Variants in OGDH observed in about 807,000 individuals in gnomAD.
OGDH encodes the protein 2-oxoglutarate dehydrogenase complex component E1.
OGDH carries 38 observed loss-of-function variants against 116.6 expected under a neutral mutation model. That is an observed-to-expected ratio of 0.33 (90% CI 0.25 to 0.43). The LOEUF is 0.43. Among genes scored for constraint, OGDH ranks in the 20% least tolerant of loss-of-function variants. The pLI is 1.00. For synonymous variants in OGDH, 488 were observed against 533.3 expected (o/e 0.92, Z 1.17); for missense variants, 825 against 1,357.2 (o/e 0.61, Z 6.16).
Position 44,645,571 on chromosome 7 carries a change from C to A in OGDH, c.414+53C>A. 2.6e-6 allele frequency: 4 copies of A among 1,549,008 alleles called. No individual in the cohort carries two copies. The South Asian group carries it at 4.6e-5, about 18-fold the overall frequency. On this transcript the variant is annotated intron_variant, in intron 3 of 22. Transcript: ENST00000222673. ...GGAAAGGGTGCAGTGTTCCTTAGGT[C>A]ATGCCTCATGGGCCCTATTGGCCTT...
chr7:44,642,815 G>A (rs59247548), intron 2 of OGDH, among the ~76,000 whole-genome samples: 5,517 of 151,758 alleles, frequency 0.036, 146 homozygotes, highest in Middle Eastern at 0.1. Context: ...CCAGCTACTC[G>A]GGAGGCTGAG....
chr7:44,674,644 C>A, intron 7 of OGDH, 87 bp downstream of exon 7: 1 of 1,444,410 alleles, frequency 6.9e-7, no homozygotes, highest in Admixed American at 1.9e-5. Flanking sequence ...GAGAGAGCAG[C>A]TGTTTCCTCC....
Position 44,700,137 on chromosome 7 carries a change from G to A in OGDH, c.2431-4G>A. On this transcript the variant is annotated splice_region_variant and splice_polypyrimidine_tract_variant and intron_variant, in intron 18 of 22. Transcript: ENST00000222673. ...GCCTCTGGCCATTTCCTTCCCTGCT[G>A]CAGGACCTTAAAGAAGCCAACTTCG... The A allele has an allele frequency of 6.2e-7, 1 of 1,614,026 alleles. No homozygotes were observed. Among genetic ancestry groups the A allele is most frequent in the Non-Finnish European group, 8.5e-7 (1 of 1,179,910 alleles).
intron 20 of OGDH, among the ~76,000 whole-genome samples, chr7:44,706,446 C>T (rs566110149): frequency 2.3e-4 from 35 of 151,282 alleles, no homozygotes; most frequent in Non-Finnish European, 4.3e-4. Context: ...CTCGGCCCCC[C>T]GAGTAGCTGA....
Position 44,629,580 on chromosome 7 carries a change from CTTTTTT to C in OGDH, c.222+5028_222+5033del, listed in dbSNP as rs71701992. The stretch of plus-strand genomic sequence containing the variant: ...TTTCTTTCCTTTTTCTTTTTCTTTT[CTTTTTT>C]TTTTTTTTTTTTGAGACGAGTCTCG... On this transcript the variant is annotated intron_variant, in intron 2 of 22. Coordinates refer to ENST00000222673, the MANE Select transcript of OGDH (RefSeq NM_002541.4). Among the ~76,000 whole-genome samples, 5 of 60,040 alleles carry C rather than the reference CTTTTTT, an allele frequency of 8.3e-5. No homozygotes were observed. In the South Asian group the frequency reaches 1.7e-3, roughly 20 times the overall value. 39.4% of individuals were successfully genotyped at this position (60,040 alleles called of 152,430 possible).
intron 1 of OGDH, among the ~76,000 whole-genome samples, chr7:44,620,019 TTTTTG>T (rs577373139): frequency 3.9e-5 from 6 of 152,206 alleles, no homozygotes; most frequent in South Asian, 2.1e-4. Flanking sequence ...GCACAAAAAT[TTTTTG>T]TTTTGTTTTG....
chr7:44,677,448 G>A (rs1198108858), intron 9 of OGDH, among the ~76,000 whole-genome samples: 2 of 152,124 alleles, frequency 1.3e-5, no homozygotes, highest in Non-Finnish European at 2.9e-5. Context: ...TTAGGGAGGT[G>A]GGAAGGGAAG....
chr7:44,708,236 G>A lies in OGDH; in HGVS notation c.*237G>A. 5 of 507,112 alleles carry A rather than the reference G, an allele frequency of 9.9e-6. No individual in the cohort carries two copies. The South Asian group carries it at 1.0e-4, about 10-fold the overall frequency. 31.4% of individuals were successfully genotyped at this position (507,112 alleles called of 1,614,324 possible). A position where few individuals can be genotyped will look rare whatever the true frequency, so the allele number is the denominator to read the frequency against. On this transcript the variant is annotated 3_prime_UTR_variant, in exon 23 of 23. Coordinates refer to ENST00000222673, the MANE Select transcript of OGDH (RefSeq NM_002541.4). ...TTCTGAGCAGTTTTCCAGGAGGCCGGGGGGAGCAGGAGGAGGAAAGGTAGC... is the reference window on the plus strand; with the variant it reads ...TTCTGAGCAGTTTTCCAGGAGGCCGAGGGGAGCAGGAGGAGGAAAGGTAGC...
Position 44,701,740 on chromosome 7 carries a change from T to C in OGDH, c.2632+125T>C, listed in dbSNP as rs546391832. The C allele has an allele frequency of 5.1e-4, 484 of 951,890 alleles. 7 individuals are homozygous for C. The South Asian group carries it at 6.5e-3, about 13-fold the overall frequency. The allele number at this position is 951,890 out of a possible 1,614,324, so 59.0% of individuals were successfully genotyped here. ...TCACTGGCTCTTGCCAGATTTTTGG[T>C]TGTAAAGACCCGTGATACATGGCTG... On this transcript the variant is annotated intron_variant, in intron 20 of 22. Transcript: ENST00000222673.
chr7:44,674,632 C>T lies in OGDH; in HGVS notation c.935+75C>T, dbSNP rs938066875. 2.6e-6 allele frequency: 4 copies of T among 1,527,006 alleles called. No homozygotes were observed. In the African/African-American group the frequency reaches 5.5e-5, roughly 21 times the overall value. 94.6% of individuals were successfully genotyped at this position (1,527,006 alleles called of 1,614,324 possible). A position where few individuals can be genotyped will look rare whatever the true frequency, so the allele number is the denominator to read the frequency against. ...GTGTAGGAGGCACCAGGTAAAGGCACTGAGAGAGCAGCTGTTTCCTCCTTG... is the reference window on the plus strand; with the variant it reads ...GTGTAGGAGGCACCAGGTAAAGGCATTGAGAGAGCAGCTGTTTCCTCCTTG... On this transcript the variant is annotated intron_variant, in intron 7 of 22. Coordinates refer to ENST00000222673, the MANE Select transcript of OGDH (RefSeq NM_002541.4).
rs140785324 is a variant in OGDH, at chr7:44,708,083, C to T, written c.*84C>T. On this transcript the variant is annotated 3_prime_UTR_variant, in exon 23 of 23. Transcript: ENST00000222673. ...TCTCAACTAAAGAATAGTGCCTCAG[C>T]GCTGCCCACACCACCGCCCTCCTCG... 5.6e-4 allele frequency: 853 copies of T among 1,524,756 alleles called. 6 individuals carry two copies. The East Asian group carries it at 0.015, about 27-fold the overall frequency. The allele number at this position is 1,524,756 out of a possible 1,614,324, so 94.5% of individuals were successfully genotyped here. A position where few individuals can be genotyped will look rare whatever the true frequency, so the allele number is the denominator to read the frequency against.
intron 1 of OGDH, among the ~76,000 whole-genome samples, chr7:44,614,192 TC>T (rs1311182201): frequency 6.6e-6 from 1 of 151,958 alleles, no homozygotes; most frequent in Non-Finnish European, 1.5e-5. Flanking sequence ...AGGCAAGCTA[TC>T]CTTTCACCTC....
At chr7:44,691,092 A>G (rs1788345066) in intron 10 of OGDH, among the ~76,000 whole-genome samples, 1 of 152,214 alleles carries the variant, frequency 6.6e-6, no homozygotes, top group African/African-American at 2.4e-5. Context: ...CTCATGAGGT[A>G]GTGTGGCATC....
intron 19 of OGDH, among the ~76,000 whole-genome samples, 187 bp from the exon 20 acceptor site, chr7:44,701,356 A>G (rs1788822487): frequency 6.6e-6 from 1 of 152,158 alleles, no homozygotes; most frequent in South Asian, 2.1e-4. Flanking sequence ...GGAGGTGAAC[A>G]GCAGGGAAAT....
At position 44,700,162 on chromosome 7, in the gene OGDH, G is replaced by A. The variant is rs199896284; in HGVS notation, c.2452G>A (p.Asp818Asn). 58 of 1,614,094 alleles carry A rather than the reference G, an allele frequency of 3.6e-5. No individual in the cohort carries two copies. In the East Asian group the frequency reaches 1.1e-3, roughly 30 times the overall value. ...VLPDLKEANF[D>N]INQLYDCNWV... ...GCAGGACCTTAAAGAAGCCAACTTC[G>A]ACATCAATCAGCTATATGACTGCAA... The change falls in exon 19 of 23, where the codon GAC becomes AAC. Residue 818 changes from aspartate (D) to asparagine (N), a missense_variant. Physicochemically the swap from Asp to Asn is conservative, Grantham distance 23. Coordinates refer to ENST00000222673, the MANE Select transcript of OGDH (RefSeq NM_002541.4).
chr7:44,614,767 C>T (rs755381484), intron 1 of OGDH, among the ~76,000 whole-genome samples: 2 of 151,446 alleles, frequency 1.3e-5, no homozygotes, highest in Non-Finnish European at 2.9e-5. Context: ...TGTAAGTCTA[C>T]GTCATCTTGG....
At chr7:44,695,292 C>T (rs1036364457) in intron 12 of OGDH, among the ~76,000 whole-genome samples, 1 of 152,196 alleles carries the variant, frequency 6.6e-6, no homozygotes, top group East Asian at 2.0e-4. Flanking sequence ...AACAGGGTTT[C>T]CCCGTGTTGG....
chr7:44,685,349 A>G (rs1174023180), intron 10 of OGDH, among the ~76,000 whole-genome samples: 2 of 152,204 alleles, frequency 1.3e-5, no homozygotes. Flanking sequence ...TAAGGACTTC[A>G]TATAAATGGA....
In OGDH at chr7:44,630,970, C is replaced by G. The variant is rs752733444; in HGVS notation, c.222+6405C>G. On this transcript the variant is annotated intron_variant, in intron 2 of 22. Coordinates refer to ENST00000222673, the MANE Select transcript of OGDH (RefSeq NM_002541.4). ...CTCTCCCATGAGAATCTAATGCCCCCGCTGATGTGACAGGAGGTGGAGCTC... is the reference window on the plus strand; with the variant it reads ...CTCTCCCATGAGAATCTAATGCCCCGGCTGATGTGACAGGAGGTGGAGCTC... 4.7e-4 allele frequency among the ~76,000 whole-genome samples: 72 copies of G among 152,284 alleles called. 1 individual carries two copies. The highest frequency in any genetic ancestry group is 2.2e-4 in the Non-Finnish European group (15 of 68,024).
Sources: allele counts gnomAD v4.1 joint callset (sites outside exome capture counted in the v4.1 genomes callset), GRCh38; gene constraint gnomAD v4.1.1; transcripts MANE v1.5; gene names NCBI Gene and HGNC (gene_info 2026-07-23, HGNC 2026-07-21).